Variants in SOX5 observed in about 807,000 individuals in gnomAD.
SOX5 encodes SRY-box transcription factor 5, also known as transcription factor SOX-5.
SOX5 carries 9 observed loss-of-function variants against 92.0 expected under a neutral mutation model. The ratio of observed to expected loss-of-function variants is 0.10; its 90% CI spans 0.06 to 0.17. The LOEUF is 0.17. SOX5 is among the 10% of genes least tolerant of loss of function. SOX5 has a pLI of 1.00. For missense variants in SOX5, 642 were observed against 944.5 expected, an observed-to-expected ratio of 0.68 and a Z score of 4.20; for synonymous variants, 344 against 336.3, an observed-to-expected ratio of 1.02 and a Z score of -0.25.
At chr12:23,908,683 C>T (rs565310842) in intron 1 of SOX5, among the ~76,000 whole-genome samples, 8 of 151,666 alleles carry the variant, frequency 5.3e-5, no homozygotes, top group Admixed American at 4.0e-4. Context: ...AAGAATATGC[C>T]ATCCTAATTA....
chr12:23,634,169 G>A (rs1234424651), intron 8 of SOX5, among the ~76,000 whole-genome samples: 2 of 152,056 alleles, frequency 1.3e-5, no homozygotes, highest in Non-Finnish European at 2.9e-5. Flanking sequence ...CTGAATACCT[G>A]CTATTTGCTA....
intron 4 of SOX5, among the ~76,000 whole-genome samples, chr12:23,976,986 A>G (rs1235434758): frequency 1.3e-5 from 2 of 152,114 alleles, no homozygotes; most frequent in Non-Finnish European, 2.9e-5. Context: ...AGATGGGACC[A>G]TTTCCCAAAT....
intron 4 of SOX5, among the ~76,000 whole-genome samples, chr12:24,048,492 T>G (rs1196223310): frequency 6.6e-6 from 1 of 152,140 alleles, no homozygotes; most frequent in Non-Finnish European, 1.5e-5. Flanking sequence ...CCTAGGCATA[T>G]ACCCAAGAAA....
chr12:23,963,575 G>C (rs1947198972), intron 4 of SOX5, among the ~76,000 whole-genome samples: 1 of 152,052 alleles, frequency 6.6e-6, no homozygotes, highest in African/African-American at 2.4e-5. Flanking sequence ...CCTGACTTTA[G>C]AGAGCATTCA....
intron 3 of SOX5, among the ~76,000 whole-genome samples, chr12:24,230,013 C>T (rs1337669959): frequency 6.6e-6 from 1 of 152,112 alleles, no homozygotes; most frequent in East Asian, 1.9e-4. Flanking sequence ...CAAATGAGAT[C>T]CCTAAAATGG....
At chr12:23,546,230 T>C (rs1808707828) in intron 12 of SOX5, 86 bp downstream of exon 12, 11 of 751,480 alleles carry the variant, frequency 1.5e-5, no homozygotes, top group Non-Finnish European at 2.6e-5. Flanking sequence ...GAGGTGGCTG[T>C]CTAGTCTATT....
chr12:24,148,497 AAAAAAAAGAG>A (rs1415751824), intron 4 of SOX5, among the ~76,000 whole-genome samples: 1 of 142,692 alleles, frequency 7.0e-6, no homozygotes, highest in African/African-American at 2.6e-5. Context: ...AAAAAAAAAA[AAAAAAAAGAG>A]AGAGAGAGAG....
intron 7 of SOX5, 80 bp from the exon 8 acceptor site, chr12:23,640,977 C>A: frequency 1.1e-6 from 1 of 940,314 alleles, no homozygotes; most frequent in Non-Finnish European, 1.6e-6. Flanking sequence ...TTCACTCTTT[C>A]CAAAAGCCTT....
chr12:23,747,664 G>T (rs1183977883), intron 4 of SOX5, among the ~76,000 whole-genome samples: 4 of 152,058 alleles, frequency 2.6e-5, no homozygotes, highest in Non-Finnish European at 5.9e-5. Context: ...CAGCGCAGTT[G>T]ACATTTAGGC....
Position 23,627,450 on chromosome 12 carries a change from CT to C in SOX5, c.1017+13361del, listed in dbSNP as rs2077977389. 2.6e-5 allele frequency among the ~76,000 whole-genome samples: 4 copies of C among 152,212 alleles called. No individual in the cohort carries two copies. The South Asian group carries it at 8.3e-4, about 32-fold the overall frequency. On this transcript the variant is annotated intron_variant, in intron 8 of 14. Transcript: ENST00000451604. ...ACCTTTATACTGCAGAATATAATTT[CT>C]GCATCCAAGAAAGTTACTTGCTAAC...
rs1256249078 is a variant in SOX5 at position 24,212,600 on chromosome 12, CCAA to C, written c.-2+740_-2+742del. The C allele has an allele frequency of 3.6e-5, 16 of 449,236 alleles. No homozygotes were observed. In the Admixed American group the frequency reaches 4.3e-4, roughly 12 times the overall value. 27.8% of individuals were successfully genotyped at this position (449,236 alleles called of 1,614,324 possible). On this transcript the variant is annotated intron_variant, in intron 4 of 4. Coordinates refer to the SOX5 transcript ENST00000446891. Reference sequence around the variant, plus strand: ...AGAGTTGTGAGCATTGTTGAAACAACCAAGACACTTCCCTGGACCCAGGAATGA... The same window carrying C: ...AGAGTTGTGAGCATTGTTGAAACAACGACACTTCCCTGGACCCAGGAATGA...
intron 2 of SOX5, among the ~76,000 whole-genome samples, chr12:24,366,764 G>A (rs1956218136): frequency 6.6e-6 from 1 of 151,738 alleles, no homozygotes; most frequent in African/African-American, 2.4e-5. Flanking sequence ...CCTCCTACCT[G>A]TCTTTAATCT....
At chr12:24,095,122 C>G (rs906741492) in intron 4 of SOX5, among the ~76,000 whole-genome samples, 4,365 of 92,928 alleles carry the variant, frequency 0.047, 115 homozygotes, top group Non-Finnish European at 0.069. Flanking sequence ...CACACACACA[C>G]ACACACAGAG....
chr12:24,035,574 T>C (rs1321278742), intron 4 of SOX5, among the ~76,000 whole-genome samples: 8 of 151,980 alleles, frequency 5.3e-5, no homozygotes, highest in African/African-American at 1.7e-4. Context: ...CAAAATGAAA[T>C]GATATAACAT....
rs149156597 is a variant in SOX5, at chr12:24,278,344, A to G, written c.-173-1032T>C. On this transcript the variant is annotated intron_variant, in intron 2 of 4. Transcript: ENST00000446891. ...TGCCACAATGTTGACAAAGAGAAGA[A>G]TCCACATTACTTTATTAGTTTACTC... is the stretch of plus-strand genomic sequence containing the variant. Among the ~76,000 whole-genome samples the G allele has an allele frequency of 4.6e-5, 7 of 152,300 alleles. No individual in the cohort carries two copies. The East Asian group carries it at 9.6e-4, about 21-fold the overall frequency.
At chr12:24,141,535 G>A (rs1051214112) in intron 4 of SOX5, among the ~76,000 whole-genome samples, 3 of 152,152 alleles carry the variant, frequency 2.0e-5, no homozygotes, top group African/African-American at 7.2e-5. Context: ...TTGCCTAGCA[G>A]GGTCTCTTGT....
intron 8 of SOX5, among the ~76,000 whole-genome samples, chr12:23,622,593 T>C (rs11047006): frequency 0.12 from 17,501 of 152,068 alleles, 1,333 homozygotes; most frequent in East Asian, 0.25. Context: ...AAGAAACAAA[T>C]ATTTTTCCAG....
chr12:24,199,089 T>C (rs550021224), intron 4 of SOX5, among the ~76,000 whole-genome samples: 1 of 152,264 alleles, frequency 6.6e-6, no homozygotes, highest in African/African-American at 2.4e-5. Context: ...GAGAGCACTG[T>C]CGGCCTGATG....
intron 4 of SOX5, among the ~76,000 whole-genome samples, chr12:24,101,594 C>T (rs1224523086): frequency 1.3e-5 from 2 of 152,002 alleles, no homozygotes; most frequent in Non-Finnish European, 1.5e-5. Flanking sequence ...CGTAAACCGT[C>T]GAATAAATGA....
Sources: allele counts gnomAD v4.1 joint callset (sites outside exome capture counted in the v4.1 genomes callset), GRCh38; gene constraint gnomAD v4.1.1; transcripts MANE v1.5; gene names NCBI Gene and HGNC (gene_info 2026-07-23, HGNC 2026-07-21).